Variants in CDH12 observed in about 807,000 individuals in gnomAD.
The protein encoded by CDH12 is cadherin 12, also known as cadherin-12.
In CDH12, 41 loss-of-function variants were observed where a neutral mutation model predicts 74.1. The observed-to-expected ratio is 0.55, with a 90% CI of 0.43 to 0.72. The LOEUF (loss-of-function observed/expected upper bound fraction) is 0.72. CDH12 is among the 30% of genes least tolerant of loss of function. CDH12 has a pLI of 0.00. For synonymous variants in CDH12, 399 were observed against 355.0 expected, an observed-to-expected ratio of 1.12 and a Z score of -1.39; for missense variants, 945 against 977.2, an observed-to-expected ratio of 0.97 and a Z score of 0.44.
chr5:22,373,176 C>A (rs1044796345), intron 3 of CDH12, among the ~76,000 whole-genome samples: 1 of 152,190 alleles, frequency 6.6e-6, no homozygotes, highest in African/African-American at 2.4e-5. Flanking sequence ...TGGATATCCT[C>A]CAGCCCAGTC....
chr5:22,634,132 T>C (rs1243244995), intron 1 of CDH12, among the ~76,000 whole-genome samples: 1 of 152,036 alleles, frequency 6.6e-6, no homozygotes, highest in Non-Finnish European at 1.5e-5. Context: ...CAAAATGATA[T>C]ACTAGAATTT....
Position 22,722,651 on chromosome 5 carries a change from C to T in CDH12, c.-523+130407G>A, listed in dbSNP as rs1415476874. ...AGGTAAAATAAATCTACCCAGATGT[C>T]TTGCCAAATATGCGTACACATAGTT... On this transcript the variant is annotated intron_variant, in intron 1 of 14. Transcript: ENST00000382254. Among the ~76,000 whole-genome samples, 4 of 152,192 alleles carry T rather than the reference C, an allele frequency of 2.6e-5. No individual in the cohort carries two copies. In the East Asian group the frequency reaches 7.7e-4, roughly 29 times the overall value.
intron 2 of CDH12, among the ~76,000 whole-genome samples, chr5:22,442,719 G>C (rs1318912182): frequency 6.6e-6 from 1 of 152,086 alleles, no homozygotes; most frequent in South Asian, 2.1e-4. Context: ...GGAAAGCAAG[G>C]GTCTTGAGAA....
intron 1 of CDH12, among the ~76,000 whole-genome samples, chr5:22,831,412 G>C (rs1736606465): frequency 6.7e-6 from 1 of 148,256 alleles, no homozygotes; most frequent in African/African-American, 2.5e-5. Flanking sequence ...AAATGAGCCT[G>C]GAAAAGTACA....
chr5:22,432,453 C>G (rs755226774), intron 2 of CDH12, among the ~76,000 whole-genome samples: 1 of 152,048 alleles, frequency 6.6e-6, no homozygotes, highest in Admixed American at 6.6e-5. Flanking sequence ...TATTTGTTTA[C>G]TACTTTTCAA....
chr5:22,025,845 C>G (rs934220326), intron 5 of CDH12, among the ~76,000 whole-genome samples: 116 of 152,282 alleles, frequency 7.6e-4, no homozygotes, highest in African/African-American at 2.7e-3. Context: ...AATCACTTTT[C>G]TAGCTCATTC....
chr5:22,702,806 G>C (rs902291724), intron 1 of CDH12, among the ~76,000 whole-genome samples: 3 of 152,034 alleles, frequency 2.0e-5, no homozygotes, highest in Non-Finnish European at 4.4e-5. Flanking sequence ...TGGTTTGCAT[G>C]AGAGACCCTG....
chr5:22,526,753 C>G (rs1174543422), intron 1 of CDH12, among the ~76,000 whole-genome samples: 1 of 152,112 alleles, frequency 6.6e-6, no homozygotes, highest in Non-Finnish European at 1.5e-5. Context: ...TCTTCGCAGT[C>G]CCTCCAGAGG....
At chr5:22,339,346 T>C (rs1303100700) in intron 3 of CDH12, among the ~76,000 whole-genome samples, 1 of 152,232 alleles carries the variant, frequency 6.6e-6, no homozygotes, top group Non-Finnish European at 1.5e-5. Flanking sequence ...TACATCGTAA[T>C]GACTTTATTG....
At chr5:21,927,234 G>C (rs1336303864) in intron 6 of CDH12, among the ~76,000 whole-genome samples, 1 of 152,134 alleles carries the variant, frequency 6.6e-6, no homozygotes, top group Non-Finnish European at 1.5e-5. Context: ...TGACATTTAA[G>C]ATGGGTAAGG....
At chr5:22,007,976 A>G (rs1737064060) in intron 5 of CDH12, among the ~76,000 whole-genome samples, 1 of 152,126 alleles carries the variant, frequency 6.6e-6, no homozygotes, top group Admixed American at 6.6e-5. Flanking sequence ...AAAAAGAGAG[A>G]GACAGACACA....
chr5:22,343,700 G>A (rs1739992744), intron 3 of CDH12, among the ~76,000 whole-genome samples: 1 of 152,186 alleles, frequency 6.6e-6, no homozygotes, highest in Non-Finnish European at 1.5e-5. Flanking sequence ...TTACAGGCGT[G>A]AGAAGTTGGT....
At chr5:22,460,332 A>T (rs1010001911) in intron 2 of CDH12, among the ~76,000 whole-genome samples, 4 of 152,236 alleles carry the variant, frequency 2.6e-5, no homozygotes, top group Non-Finnish European at 4.4e-5. Flanking sequence ...TGTGACAAAC[A>T]TCTCATTTCC....
chr5:22,051,378 A>G (rs1740353969), intron 5 of CDH12, among the ~76,000 whole-genome samples: 1 of 152,182 alleles, frequency 6.6e-6, no homozygotes, highest in South Asian at 2.1e-4. Flanking sequence ...ATTTTAAATA[A>G]AATATGATAT....
chr5:22,329,993 G>A (rs1480625094), intron 3 of CDH12, among the ~76,000 whole-genome samples: 1 of 152,190 alleles, frequency 6.6e-6, no homozygotes, highest in East Asian at 1.9e-4. Context: ...GGACTAGGGT[G>A]GCATGTGACC....
intron 1 of CDH12, among the ~76,000 whole-genome samples, chr5:22,778,730 G>A (rs1347149722): frequency 6.6e-6 from 1 of 151,924 alleles, no homozygotes; most frequent in Non-Finnish European, 1.5e-5. Flanking sequence ...TCTCTAGACA[G>A]CTTTTATTTT....
chr5:22,369,367 AT>A (rs1741172241), intron 3 of CDH12, among the ~76,000 whole-genome samples: 1 of 151,920 alleles, frequency 6.6e-6, no homozygotes, highest in Admixed American at 6.6e-5. Context: ...CAGAAAAAAA[AT>A]AGACTTTCTT....
At chr5:22,728,252 A>C (rs924976175) in intron 1 of CDH12, among the ~76,000 whole-genome samples, 5 of 151,556 alleles carry the variant, frequency 3.3e-5, no homozygotes, top group Non-Finnish European at 7.4e-5. Context: ...CAGATTTTGA[A>C]TTCTGACATG....
chr5:22,197,390 T>C (rs1750683264), intron 4 of CDH12, among the ~76,000 whole-genome samples: 1 of 152,078 alleles, frequency 6.6e-6, no homozygotes, highest in Admixed American at 6.6e-5. Flanking sequence ...GAGCTTGCAG[T>C]GAGCCAAGAG....
Sources: gnomAD v4.1 joint callset for allele counts (sites outside exome capture counted in the v4.1 genomes callset) on GRCh38, gnomAD v4.1.1 for gene constraint, MANE v1.5 for transcripts, NCBI Gene and HGNC (gene_info 2026-07-23, HGNC 2026-07-21) for gene names.